ANKS1A: variants seen among roughly 807,000 people sequenced by gnomAD.
ANKS1A encodes the protein ankyrin repeat and SAM domain-containing protein 1A.
A neutral mutation model predicts 120.3 loss-of-function variants in ANKS1A; 55 were observed. The observed-to-expected ratio is 0.46, with a 90% CI of 0.37 to 0.57. ANKS1A has a LOEUF of 0.57. ANKS1A is among the 20% of genes least tolerant of loss of function. The pLI is 0.00. For missense variants in ANKS1A, 1,123 were observed against 1,480.3 expected, an observed-to-expected ratio of 0.76 and a Z score of 3.96; for synonymous variants, 590 against 604.7, an observed-to-expected ratio of 0.98 and a Z score of 0.36.
chr6:35,056,370 G>A (rs930125603), intron 12 of ANKS1A, among the ~76,000 whole-genome samples: 4 of 152,196 alleles, frequency 2.6e-5, no homozygotes, highest in African/African-American at 9.7e-5. Flanking sequence ...CTCACTGCAA[G>A]CTCCGCCTCC....
At chr6:34,997,540 G>A (rs1772921386) in intron 10 of ANKS1A, among the ~76,000 whole-genome samples, 1 of 152,054 alleles carries the variant, frequency 6.6e-6, no homozygotes, top group Admixed American at 6.6e-5. Flanking sequence ...AGGTGAAGTA[G>A]AACACTAATG....
At chr6:35,076,399 G>A (rs1026183831) in intron 13 of ANKS1A, among the ~76,000 whole-genome samples, 8 of 152,088 alleles carry the variant, frequency 5.3e-5, no homozygotes, top group South Asian at 2.1e-4. Flanking sequence ...GCGACAGAGC[G>A]AGACTCTGTC....
Position 35,085,662 on chromosome 6 carries a change from C to T in ANKS1A, c.3133-104C>T, listed in dbSNP as rs1443383813. 103 of 1,245,072 alleles carry T rather than the reference C, an allele frequency of 8.3e-5. No homozygotes were observed. Among genetic ancestry groups the T allele is most frequent in the South Asian group, 4.7e-4 (29 of 61,746 alleles). The allele number at this position is 1,245,072 out of a possible 1,614,324, so 77.1% of individuals were successfully genotyped here. ...GAGTGGAAGGAGGTAGGAGCGCTCC[C>T]GGGTAGACTTAGAGGGGGACACATG... On this transcript the variant is annotated intron_variant, in intron 21 of 23. Coordinates refer to ENST00000360359, the MANE Select transcript of ANKS1A (RefSeq NM_015245.3). This position sits in a 1 kb window ranked among gnomAD's most constrained non-coding sequence, Gnocchi z 4.7.
At chr6:34,939,965 G>A (rs1014086019) in intron 1 of ANKS1A, among the ~76,000 whole-genome samples, 3 of 152,186 alleles carry the variant, frequency 2.0e-5, no homozygotes, top group African/African-American at 7.2e-5. Context: ...GGCTTTGGGG[G>A]AAGCGCTATA....
intron 11 of ANKS1A, among the ~76,000 whole-genome samples, chr6:35,027,867 G>C (rs1467471354): frequency 6.6e-6 from 1 of 152,158 alleles, no homozygotes; most frequent in Non-Finnish European, 1.5e-5. Context: ...GTAGCTGCTG[G>C]GCAGGGCCAA....
chr6:35,083,810 A>C (rs1203645195), intron 20 of ANKS1A, among the ~76,000 whole-genome samples: 1 of 152,108 alleles, frequency 6.6e-6, no homozygotes, highest in Non-Finnish European at 1.5e-5. Flanking sequence ...TCTGTGTGCC[A>C]CCGTGTGGGA....
chr6:35,078,231 G>A (rs1429724169), intron 13 of ANKS1A, among the ~76,000 whole-genome samples: 1 of 152,110 alleles, frequency 6.6e-6, no homozygotes, highest in Non-Finnish European at 1.5e-5. Flanking sequence ...CTTTATCTTG[G>A]ATGCATGGAA....
chr6:34,951,627 T>A (rs948119178), intron 1 of ANKS1A, among the ~76,000 whole-genome samples: 3 of 152,242 alleles, frequency 2.0e-5, no homozygotes, highest in African/African-American at 7.2e-5. Flanking sequence ...TTGAGACATT[T>A]ATCCCTTTTA....
At chr6:35,091,455 C>G (rs1005461028), downstream of ANKS1A, 3 of 982,838 alleles carry the variant, frequency 3.1e-6, no homozygotes, top group African/African-American at 5.2e-5. Context: ...TGATGGTTTT[C>G]TGGCAGAGGC....
At chr6:34,984,917 TG>T (rs1772103347) in intron 7 of ANKS1A, among the ~76,000 whole-genome samples, 164 bp from the exon 8 acceptor site, 2 of 152,164 alleles carry the variant, frequency 1.3e-5, no homozygotes, top group African/African-American at 2.4e-5. Flanking sequence ...AAAGAACAGC[TG>T]AAACTATACG....
At chr6:34,927,954 T>C (rs1214925201) in intron 1 of ANKS1A, among the ~76,000 whole-genome samples, 4 of 152,188 alleles carry the variant, frequency 2.6e-5, no homozygotes, top group African/African-American at 7.2e-5. Flanking sequence ...CCAGGAGCAG[T>C]AGGCAAGGCT....
In ANKS1A at chr6:35,089,762, A is replaced by G. The variant is rs1778202797; in HGVS notation, c.*1153A>G. ...TGTTTTTAAAAGTAACTTGGGTTGC[A>G]TTCTTCCCTCTGGACTAGAGTAGAA... On this transcript the variant is annotated 3_prime_UTR_variant, in exon 24 of 24. Transcript: ENST00000360359. 1 of 999,918 alleles carries G rather than the reference A, an allele frequency of 1.0e-6. No homozygotes were observed. Among genetic ancestry groups the G allele is most frequent in the African/African-American group, 1.7e-5 (1 of 57,530 alleles). The allele number at this position is 999,918 out of a possible 1,614,324, so 61.9% of individuals were successfully genotyped here. A position where few individuals can be genotyped will look rare whatever the true frequency, so the allele number is the denominator to read the frequency against.
chr6:35,046,794 T>C (rs1388965144), intron 11 of ANKS1A, among the ~76,000 whole-genome samples: 2 of 152,174 alleles, frequency 1.3e-5, no homozygotes, highest in African/African-American at 4.8e-5. Context: ...CAAAGTGAAA[T>C]CCATTAAGTC....
chr6:35,093,740 C>T (rs545007914), downstream of ANKS1A, among the ~76,000 whole-genome samples: 1 of 152,148 alleles, frequency 6.6e-6, no homozygotes. Context: ...CTGTTCTTCC[C>T]AGCCAGAGGA....
At chr6:34,893,788 G>A (rs754093424) in intron 1 of ANKS1A, among the ~76,000 whole-genome samples, 6 of 152,130 alleles carry the variant, frequency 3.9e-5, no homozygotes, top group Admixed American at 1.3e-4. Context: ...TATTAACATA[G>A]GTGTATATAG....
chr6:34,998,511 G>A (rs9784818), intron 10 of ANKS1A, among the ~76,000 whole-genome samples: 100,832 of 152,016 alleles, frequency 0.66, 35,789 homozygotes, highest in Non-Finnish European at 0.8. Flanking sequence ...ACCTAAGCCT[G>A]GTAGTTAAAA....
chr6:35,097,087 C>T, the ANKS1A span, among the ~76,000 whole-genome samples: 1 of 151,896 alleles, frequency 6.6e-6, no homozygotes, highest in Non-Finnish European at 1.5e-5. Context: ...TTACAAATTA[C>T]AACAGCTTCA....
chr6:34,943,938 C>T (rs185150671), intron 1 of ANKS1A, among the ~76,000 whole-genome samples: 178 of 152,210 alleles, frequency 1.2e-3, no homozygotes, highest in African/African-American at 4.0e-3. Flanking sequence ...ATATGGTAAG[C>T]GTATATTTAG....
At chr6:34,964,643 A>G (rs967542071) in intron 1 of ANKS1A, among the ~76,000 whole-genome samples, 2 of 152,150 alleles carry the variant, frequency 1.3e-5, no homozygotes, top group East Asian at 1.9e-4. Context: ...CTGCTTGCCT[A>G]TGGATAGACA....
Sources: gnomAD v4.1 joint callset for allele counts (sites outside exome capture counted in the v4.1 genomes callset) on GRCh38, gnomAD v4.1.1 for gene constraint, Gnocchi (gnomAD v3.1) non-coding constraint, MANE v1.5 for transcripts, NCBI Gene and HGNC (gene_info 2026-07-23, HGNC 2026-07-21) for gene names.